Variants in LRRC4C observed in about 807,000 individuals in gnomAD.
The protein encoded by LRRC4C is leucine-rich repeat-containing protein 4C.
LRRC4C carries 5 observed loss-of-function variants against 33.6 expected under a neutral mutation model. The observed-to-expected ratio is 0.15, with a 90% CI of 0.08 to 0.31. LRRC4C has a LOEUF of 0.31. Among genes scored for constraint, LRRC4C ranks in the 10% least tolerant of loss-of-function variants. The pLI is 1.00. For synonymous variants in LRRC4C, 329 were observed against 302.0 expected (o/e 1.09, Z -0.93); for missense variants, 560 against 796.7 (o/e 0.70, Z 3.58).
At chr11:41,255,895 G>A (rs1231230564) in intron 1 of LRRC4C, among the ~76,000 whole-genome samples, 4 of 151,840 alleles carry the variant, frequency 2.6e-5, no homozygotes, top group African/African-American at 9.7e-5. Flanking sequence ...TCTGAATTCA[G>A]GTAGTCAATA....
intron 3 of LRRC4C, among the ~76,000 whole-genome samples, chr11:40,525,160 G>A (rs1955989454): frequency 6.6e-6 from 1 of 151,872 alleles, no homozygotes; most frequent in Non-Finnish European, 1.5e-5. Context: ...TTAAGAAAGG[G>A]GCTGGGCCGG....
intron 4 of LRRC4C, among the ~76,000 whole-genome samples, chr11:40,296,142 G>A (rs760193437): frequency 6.6e-6 from 1 of 152,068 alleles, no homozygotes; most frequent in Non-Finnish European, 1.5e-5. Flanking sequence ...AAAGCAGCAG[G>A]GACAGGTAAG....
chr11:41,096,922 C>T (rs1940844574), intron 1 of LRRC4C, among the ~76,000 whole-genome samples: 1 of 152,130 alleles, frequency 6.6e-6, no homozygotes, highest in South Asian at 2.1e-4. Context: ...TACATTTGAA[C>T]TTGATTACAG....
intron 3 of LRRC4C, among the ~76,000 whole-genome samples, chr11:40,435,224 C>G (rs1951096929): frequency 6.6e-6 from 1 of 152,226 alleles, no homozygotes; most frequent in Non-Finnish European, 1.5e-5. Flanking sequence ...GCAGCATATG[C>G]TCCTCACACT....
At chr11:40,679,119 T>A (rs1944553649) in intron 2 of LRRC4C, among the ~76,000 whole-genome samples, 1 of 152,174 alleles carries the variant, frequency 6.6e-6, no homozygotes, top group African/African-American at 2.4e-5. Context: ...CTTGTTATGT[T>A]TTAGCAAAGA....
At chr11:40,644,054 A>G (rs904425420) in intron 3 of LRRC4C, among the ~76,000 whole-genome samples, 22 of 152,210 alleles carry the variant, frequency 1.4e-4, no homozygotes, top group African/African-American at 5.1e-4. Context: ...CAAATGCCAT[A>G]GACAATAAAA....
intron 1 of LRRC4C, among the ~76,000 whole-genome samples, chr11:40,969,850 T>C (rs964478094): frequency 1.3e-5 from 2 of 152,226 alleles, no homozygotes; most frequent in African/African-American, 4.8e-5. Flanking sequence ...TCTTTGTAGC[T>C]AATATACTAT....
intron 3 of LRRC4C, among the ~76,000 whole-genome samples, chr11:40,469,134 G>T (rs931914479): frequency 6.6e-6 from 1 of 152,222 alleles, no homozygotes; most frequent in Non-Finnish European, 1.5e-5. Context: ...CTTCCAGTGA[G>T]ATCAACGCAG....
At chr11:40,593,282 A>T (rs1297002138) in intron 3 of LRRC4C, among the ~76,000 whole-genome samples, 1 of 152,230 alleles carries the variant, frequency 6.6e-6, no homozygotes, top group Admixed American at 6.5e-5. Flanking sequence ...CTTTAGAGAG[A>T]TCTATTAAAC....
chr11:40,485,403 A>G (rs538193781), intron 3 of LRRC4C, among the ~76,000 whole-genome samples: 1 of 151,826 alleles, frequency 6.6e-6, no homozygotes, highest in Non-Finnish European at 1.5e-5. Context: ...TTAGAGTTAC[A>G]TGTTTATTCT....
chr11:40,844,249 A>G (rs562682037), intron 2 of LRRC4C, among the ~76,000 whole-genome samples: 1 of 152,032 alleles, frequency 6.6e-6, no homozygotes, highest in Non-Finnish European at 1.5e-5. Flanking sequence ...AAAAAAAAAA[A>G]ATACAAAATA....
intron 1 of LRRC4C, among the ~76,000 whole-genome samples, chr11:41,449,802 A>C (rs1955960849): frequency 6.7e-6 from 1 of 149,956 alleles, no homozygotes. Context: ...TCGCTTCTTT[A>C]AGTAGATGTG....
intron 3 of LRRC4C, among the ~76,000 whole-genome samples, chr11:40,380,979 G>A (rs1353497633): frequency 2.6e-5 from 4 of 152,260 alleles, no homozygotes; most frequent in South Asian, 2.1e-4. Flanking sequence ...GTGTGCATGT[G>A]TGTGCACTTA....
intron 4 of LRRC4C, among the ~76,000 whole-genome samples, chr11:40,277,072 G>C (rs958039257): frequency 6.6e-6 from 1 of 152,088 alleles, no homozygotes; most frequent in African/African-American, 2.4e-5. Flanking sequence ...TCTATATACA[G>C]AGGAGGATGT....
chr11:40,381,136 G>A (rs1356583359), intron 3 of LRRC4C, among the ~76,000 whole-genome samples: 2 of 151,448 alleles, frequency 1.3e-5, no homozygotes, highest in Admixed American at 6.6e-5. Context: ...TGAATGAATG[G>A]ATTAATTCGA....
At chr11:40,893,865 A>G (rs1161409318) in intron 2 of LRRC4C, among the ~76,000 whole-genome samples, 2 of 151,992 alleles carry the variant, frequency 1.3e-5, no homozygotes, top group African/African-American at 4.8e-5. Context: ...ACACAGAGGC[A>G]TATATATCTC....
intron 3 of LRRC4C, among the ~76,000 whole-genome samples, chr11:40,370,188 G>A (rs925663932): frequency 1.3e-5 from 2 of 152,124 alleles, no homozygotes; most frequent in African/African-American, 4.8e-5. Flanking sequence ...CACCTGTGAA[G>A]ATGGAGCTGA....
At chr11:40,569,629 G>A (rs1400821571) in intron 3 of LRRC4C, among the ~76,000 whole-genome samples, 2 of 151,996 alleles carry the variant, frequency 1.3e-5, no homozygotes, top group African/African-American at 4.8e-5. Flanking sequence ...AATGCGACTA[G>A]CACTGTCTGT....
At chr11:40,988,713 C>CTTTTTTTTTTTT (rs869034558) in intron 1 of LRRC4C, among the ~76,000 whole-genome samples, 2 of 57,752 alleles carry the variant, frequency 3.5e-5, no homozygotes. Flanking sequence ...CTTTTCTTTT[C>CTTTTTTTTTTTT]TTTTTTTTTT....
Sources: allele counts gnomAD v4.1 joint callset (sites outside exome capture counted in the v4.1 genomes callset), GRCh38; gene constraint gnomAD v4.1.1; transcripts MANE v1.5; gene names NCBI Gene and HGNC (gene_info 2026-07-23, HGNC 2026-07-21).